BRCA1: variants seen among roughly 807,000 people sequenced by gnomAD.
BRCA1 encodes the protein BRCA1 DNA repair associated.
BRCA1 carries 140 observed loss-of-function variants against 173.7 expected under a neutral mutation model. The observed-to-expected ratio is 0.81, with a 90% confidence interval of 0.70 to 0.93. BRCA1 has a LOEUF of 0.93. Among genes scored for constraint, BRCA1 ranks in the 40% least tolerant of loss-of-function variants. The pLI, the probability that BRCA1 is intolerant of heterozygous loss-of-function variation, is 0.00. For synonymous variants in BRCA1, 662 were observed against 756.0 expected (o/e 0.88, Z 2.04); for missense variants, 1,983 against 2,172.5 (o/e 0.91, Z 1.73).
intron 1 of BRCA1, chr17:43,166,381 C>T (rs1346243011): frequency 6.6e-6 from 1 of 152,230 alleles, no homozygotes; most frequent in African/African-American, 2.4e-5. Flanking sequence ...GGGAACTGGT[C>T]TGGGTTCCTT....
At chr17:43,134,208 C>T (rs2055996613) in intron 1 of BRCA1, among the ~76,000 whole-genome samples, 1 of 152,186 alleles carries the variant, frequency 6.6e-6, no homozygotes, top group African/African-American at 2.4e-5. Context: ...GCCTGGTGGG[C>T]TCATGGTCCA....
upstream of BRCA1, chr17:43,125,498 A>T: frequency 3.0e-6 from 1 of 337,646 alleles, no homozygotes; most frequent in South Asian, 2.3e-5. Flanking sequence ...AGAGGATGGG[A>T]GGGACAGAAA....
In BRCA1 at chr17:43,093,970, C is replaced by T. The variant is rs80357122; in HGVS notation, c.1561G>A (p.Ala521Thr). 51 of 1,613,534 alleles carry T rather than the reference C, an allele frequency of 3.2e-5. No individual in the cohort carries two copies. In the African/African-American group the frequency reaches 6.7e-4, roughly 21 times the overall value. The change falls in exon 10 of 23, where the codon GCA becomes ACA. Residue 521 changes from alanine (A) to threonine (T), a missense_variant. Ala to Thr is a moderately conservative substitution (Grantham distance 58, BLOSUM62 0). Coordinates refer to ENST00000357654, the MANE Select transcript of BRCA1 (RefSeq NM_007294.4). ...GLHPEDFIKK[A>T]DLAVQKTPEM... ...GGAGTCTTTTGAACTGCCAAATCTG[C>T]TTTCTTGATAAAATCCTCAGGATGA... is the stretch of plus-strand genomic sequence containing the variant.
intron 1 of BRCA1, among the ~76,000 whole-genome samples, chr17:43,169,076 G>C (rs1442142965): frequency 6.6e-6 from 1 of 152,068 alleles, no homozygotes; most frequent in Non-Finnish European, 1.5e-5. Flanking sequence ...CAGTTCTTAA[G>C]TTCTCCCTCC....
intron 1 of BRCA1, among the ~76,000 whole-genome samples, chr17:43,149,125 G>T (rs2056143184): frequency 6.6e-6 from 1 of 151,228 alleles, no homozygotes; most frequent in African/African-American, 2.4e-5. Context: ...CCGAGACAGA[G>T]TCTTGCCCTG....
chr17:43,110,540 A>G, intron 3 of BRCA1: 1 of 444,320 alleles, frequency 2.3e-6, no homozygotes, highest in Non-Finnish European at 4.5e-6. Flanking sequence ...AAGCCTCATG[A>G]TCGCACCACT....
intron 11 of BRCA1, among the ~76,000 whole-genome samples, chr17:43,086,148 A>ACACACG (rs60834728): frequency 3.3e-5 from 5 of 151,356 alleles, no homozygotes; most frequent in African/African-American, 1.2e-4. Flanking sequence ...ACACACACAC[A>ACACACG]GAAGTCCCCA....
rs80356911 is a variant in BRCA1, at chr17:43,092,934, C to T, written c.2597G>A (p.Arg866His). The change falls in exon 10 of 23, where the codon CGC (arginine) becomes CAC (histidine). Residue 866 changes from arginine to histidine, a missense_variant. By Grantham distance (29) the Arg-to-His change is conservative. Transcript: ENST00000357654. ...ATTTGAAAACGGAGCAAATGACTGG[C>T]GCTTTGAAACCTTGAATGTATTCTG... is the stretch of plus-strand genomic sequence containing the variant. ...YLQNTFKVSK[R>H]QSFAPFSNPG... 2.0e-5 allele frequency: 32 copies of T among 1,613,622 alleles called. No individual in the cohort carries two copies. Among genetic ancestry groups the T allele is most frequent in the African/African-American group, 2.7e-5 (2 of 74,936 alleles).
Position 43,093,066 on chromosome 17 carries a change from T to A in BRCA1, c.2465A>T (p.Asn822Ile), listed in dbSNP as rs1555589630. 1 of 1,613,864 alleles carries A rather than the reference T, an allele frequency of 6.2e-7. No homozygotes were observed. Among genetic ancestry groups the A allele is most frequent in the Non-Finnish European group, 8.5e-7 (1 of 1,179,998 alleles). ...KGLIHGCSKD[N>I]RNDTEGFKYP... is the part of the protein sequence containing the mutation. ...CTTAAAGCCTTCTGTGTCATTTCTA[T>A]TATCTTTGGAACAACCATGAATTAG... Residue 822 changes from asparagine to isoleucine, a missense_variant, in exon 10 of 23, where the codon AAT (asparagine) becomes ATT (isoleucine). Physicochemically the swap from Asn to Ile is moderately radical, Grantham distance 149. Transcript: ENST00000357654.
chr17:43,162,676 G>T (rs1244957882), intron 1 of BRCA1: 2 of 152,200 alleles, frequency 1.3e-5, no homozygotes, highest in Non-Finnish European at 2.9e-5. Flanking sequence ...GTCTGAGGAA[G>T]GTCAGTTGAA....
chr17:43,152,445 G>A (rs895667283), intron 1 of BRCA1, among the ~76,000 whole-genome samples: 5 of 152,182 alleles, frequency 3.3e-5, no homozygotes, highest in African/African-American at 9.7e-5. Flanking sequence ...TCCAGGCCGG[G>A]TGCAGTGGCT....
At chr17:43,139,228 C>CT (rs754510195) in intron 1 of BRCA1, among the ~76,000 whole-genome samples, 204 of 130,328 alleles carry the variant, frequency 1.6e-3, no homozygotes, top group East Asian at 2.9e-3. Context: ...GTGTTTTTTC[C>CT]TTTTTTTTTT....
intron 16 of BRCA1, among the ~76,000 whole-genome samples, chr17:43,065,986 C>T (rs2052051976): frequency 6.6e-6 from 1 of 152,234 alleles, no homozygotes. Context: ...TAAACACTCT[C>T]CAATTTGTCA....
chr17:43,050,212 T>C (rs919811782), intron 20 of BRCA1: 5 of 397,866 alleles, frequency 1.3e-5, no homozygotes, highest in African/African-American at 6.2e-5. Context: ...ACAAACCAAA[T>C]TTATACACAC....
upstream of BRCA1, among the ~76,000 whole-genome samples, chr17:43,130,154 G>A (rs1356949471): frequency 2.6e-5 from 4 of 152,050 alleles, no homozygotes; most frequent in African/African-American, 7.2e-5. Flanking sequence ...TCTAATGACT[G>A]GTTTATTATT....
chr17:43,142,755 A>AT (rs1415864991), intron 1 of BRCA1, among the ~76,000 whole-genome samples: 2 of 151,992 alleles, frequency 1.3e-5, no homozygotes, highest in Admixed American at 1.3e-4. Context: ...TTATTTAATT[A>AT]TTTTTAAGAC....
chr17:43,121,286 A>T (rs1434817177), intron 2 of BRCA1, among the ~76,000 whole-genome samples: 1 of 149,494 alleles, frequency 6.7e-6, no homozygotes, highest in African/African-American at 2.5e-5. Context: ...GAGGCAGGAG[A>T]ATGGCCTGAA....
At chr17:43,113,543 T>C (rs1428160830) in intron 3 of BRCA1, among the ~76,000 whole-genome samples, 1 of 152,086 alleles carries the variant, frequency 6.6e-6, no homozygotes, top group Non-Finnish European at 1.5e-5. Flanking sequence ...GTTTTTTGTG[T>C]GTTTTAGTAG....
intron 1 of BRCA1, chr17:43,139,845 T>C (rs1363197053): frequency 2.1e-6 from 1 of 467,566 alleles, no homozygotes; most frequent in Non-Finnish European, 4.4e-6. Context: ...TCAAGATCCA[T>C]CTGTGTTCCT....
Sources: allele counts gnomAD v4.1 joint callset (sites outside exome capture counted in the v4.1 genomes callset), GRCh38; gene constraint gnomAD v4.1.1; transcripts MANE v1.5; gene names NCBI Gene and HGNC (gene_info 2026-07-23, HGNC 2026-07-21).